The following ADGRB3 variants were observed in gnomAD, a reference collection of about 807,000 sequenced individuals.
The protein encoded by ADGRB3 is adhesion G protein-coupled receptor B3, also known as brain-specific angiogenesis inhibitor 3.
A neutral mutation model predicts 193.4 loss-of-function variants in ADGRB3; 37 were observed. That is an observed-to-expected ratio of 0.19 (90% CI 0.15 to 0.25). ADGRB3 has a LOEUF of 0.25. Ranked by LOEUF, ADGRB3 falls within the 10% of genes least tolerant of loss-of-function variation. ADGRB3 has a pLI of 1.00. For synonymous variants in ADGRB3, 690 were observed against 644.2 expected (o/e 1.07, Z -1.08); for missense variants, 1,637 against 1,852.9 (o/e 0.88, Z 2.14).
chr6:69,158,400 A>T (rs1015848438), intron 17 of ADGRB3, among the ~76,000 whole-genome samples: 11 of 149,972 alleles, frequency 7.3e-5, no homozygotes, highest in Admixed American at 3.4e-4. Context: ...TATTACATTA[A>T]GTATTAATTT....
intron 17 of ADGRB3, among the ~76,000 whole-genome samples, chr6:69,088,767 T>C (rs1772624836): frequency 6.6e-6 from 1 of 152,240 alleles, no homozygotes; most frequent in Non-Finnish European, 1.5e-5. Context: ...AAATACAAAG[T>C]GATTCCGTGT....
At chr6:69,210,171 A>ATATATATATATATATATAT (rs1561953604) in intron 17 of ADGRB3, among the ~76,000 whole-genome samples, 12 of 39,374 alleles carry the variant, frequency 3.0e-4, no homozygotes, top group African/African-American at 2.2e-3. Context: ...TATATATATA[A>ATATATATATATATATATAT]AGGGGAGTTT....
chr6:69,179,994 TGG>T (rs967492425), intron 17 of ADGRB3, among the ~76,000 whole-genome samples: 3 of 152,224 alleles, frequency 2.0e-5, no homozygotes, highest in African/African-American at 7.2e-5. Context: ...AGGGCCAGAC[TGG>T]GCATGTCCAC....
intron 17 of ADGRB3, among the ~76,000 whole-genome samples, chr6:69,231,209 A>G (rs1766127398): frequency 6.6e-6 from 1 of 152,252 alleles, no homozygotes; most frequent in Non-Finnish European, 1.5e-5. Context: ...GATATTGAAT[A>G]TAGACTTCAT....
intron 3 of ADGRB3, among the ~76,000 whole-genome samples, chr6:68,808,042 T>C (rs1767440618): frequency 6.6e-6 from 1 of 152,210 alleles, no homozygotes; most frequent in African/African-American, 2.4e-5. Flanking sequence ...TTTGTAAAAT[T>C]AGTTCAATAG....
intron 3 of ADGRB3, among the ~76,000 whole-genome samples, chr6:68,770,588 A>G (rs1200460403): frequency 6.6e-6 from 1 of 152,132 alleles, no homozygotes; most frequent in African/African-American, 2.4e-5. Context: ...TGTTCTTTCT[A>G]TCATTCAGAC....
chr6:69,110,662 A>G (rs945351758), intron 17 of ADGRB3, among the ~76,000 whole-genome samples: 1 of 152,232 alleles, frequency 6.6e-6, no homozygotes, highest in Admixed American at 6.5e-5. Flanking sequence ...AAAATTAACA[A>G]TAGTTTAAAA....
intron 17 of ADGRB3, among the ~76,000 whole-genome samples, chr6:69,232,093 A>G (rs1766152624): frequency 6.6e-6 from 1 of 152,206 alleles, no homozygotes; most frequent in African/African-American, 2.4e-5. Context: ...TTTTTCTCTT[A>G]GAGTTTTGAA....
chr6:68,801,016 T>C (rs1767300525), intron 3 of ADGRB3, among the ~76,000 whole-genome samples: 1 of 152,134 alleles, frequency 6.6e-6, no homozygotes, highest in South Asian at 2.1e-4. Flanking sequence ...AAGAAAGAGA[T>C]TGCATGATCA....
chr6:68,833,103 A>G (rs1335660918), intron 3 of ADGRB3, among the ~76,000 whole-genome samples: 1 of 152,174 alleles, frequency 6.6e-6, no homozygotes, highest in African/African-American at 2.4e-5. Flanking sequence ...TTAAACCAAA[A>G]TAACCACATC....
Position 68,993,659 on chromosome 6 carries a change from G to A in ADGRB3, c.1735-109G>A, listed in dbSNP as rs1203794443. The A allele has an allele frequency of 2.6e-6, 3 of 1,133,326 alleles. No individual in the cohort carries two copies. The Admixed American group carries it at 6.6e-5, about 25-fold the overall frequency. The allele number at this position is 1,133,326 out of a possible 1,614,324, so 70.2% of individuals were successfully genotyped here. A position where few individuals can be genotyped will look rare whatever the true frequency, so the allele number is the denominator to read the frequency against. ...TTTCAAATCCTCCCAAGCATTGCAAGGCTATTTTAAGTTAATTGAGCAATT... is the reference window on the plus strand; with the variant it reads ...TTTCAAATCCTCCCAAGCATTGCAAAGCTATTTTAAGTTAATTGAGCAATT... On this transcript the variant is annotated intron_variant, in intron 10 of 31. Coordinates refer to ENST00000370598, the MANE Select transcript of ADGRB3 (RefSeq NM_001704.3).
At chr6:68,772,884 AAAAAAAAAAAATATATATATATATATAT>A (rs1766652115) in intron 3 of ADGRB3, among the ~76,000 whole-genome samples, 13 of 35,272 alleles carry the variant, frequency 3.7e-4, no homozygotes, top group African/African-American at 2.9e-3. Flanking sequence ...CAAACAAACA[AAAAAAAAAAAATATATATATATATATAT>A]ATATATATAT....
chr6:69,043,244 AGAAG>A (rs1228755445), intron 13 of ADGRB3, among the ~76,000 whole-genome samples: 4 of 135,522 alleles, frequency 3.0e-5, no homozygotes, highest in African/African-American at 2.7e-5. Context: ...GGAGAAAGAA[AGAAG>A]AAAGAGAGAA....
At chr6:68,978,315 G>A (rs1768806755) in intron 10 of ADGRB3, among the ~76,000 whole-genome samples, 1 of 138,246 alleles carries the variant, frequency 7.2e-6, no homozygotes, top group Non-Finnish European at 1.6e-5. Context: ...TAGGTAGGTA[G>A]GTAGGTAGAT....
At chr6:68,735,886 T>C (rs78514750) in intron 3 of ADGRB3, among the ~76,000 whole-genome samples, 2,310 of 152,300 alleles carry the variant, frequency 0.015, 27 homozygotes, top group Non-Finnish European at 0.025. Context: ...GCAGTCTTTA[T>C]AGAGCAGCAA....
intron 17 of ADGRB3, among the ~76,000 whole-genome samples, chr6:69,169,439 G>T (rs942704581): frequency 6.6e-6 from 1 of 151,126 alleles, no homozygotes; most frequent in Non-Finnish European, 1.5e-5. Context: ...TAGTTACAAT[G>T]AGTAACTAAT....
At chr6:69,064,661 C>G (rs1317495237) in intron 16 of ADGRB3, among the ~76,000 whole-genome samples, 2 of 151,964 alleles carry the variant, frequency 1.3e-5, no homozygotes, top group African/African-American at 2.4e-5. Context: ...TTCTCTGTAT[C>G]AGATTATAGA....
intron 3 of ADGRB3, among the ~76,000 whole-genome samples, chr6:68,775,858 C>T (rs1334471958): frequency 6.6e-6 from 1 of 151,984 alleles, no homozygotes; most frequent in Non-Finnish European, 1.5e-5. Flanking sequence ...TTTTTTGGTT[C>T]TTTCTTTTTT....
At chr6:69,000,375 A>G (rs1034888567) in intron 11 of ADGRB3, among the ~76,000 whole-genome samples, 2 of 152,206 alleles carry the variant, frequency 1.3e-5, no homozygotes, top group Admixed American at 1.3e-4. Context: ...ACTTTGTTTT[A>G]TGTGCGTTTC....
Sources: allele counts gnomAD v4.1 joint callset (sites outside exome capture counted in the v4.1 genomes callset), GRCh38; gene constraint gnomAD v4.1.1; transcripts MANE v1.5; gene names NCBI Gene and HGNC (gene_info 2026-07-23, HGNC 2026-07-21).